SOX5: variants seen among roughly 807,000 people sequenced by gnomAD.
SOX5 encodes the protein transcription factor SOX-5.
SOX5 carries 9 observed loss-of-function variants against 92.0 expected under a neutral mutation model. The observed-to-expected ratio is 0.10, with a 90% CI of 0.06 to 0.17. The LOEUF (loss-of-function observed/expected upper bound fraction) is 0.17, where lower values mean the gene tolerates loss of function less well. SOX5 is among the 10% of genes least tolerant of loss of function. SOX5 has a pLI of 1.00. For synonymous variants in SOX5, 344 were observed against 336.3 expected (o/e 1.02, Z -0.25); for missense variants, 642 against 944.5 (o/e 0.68, Z 4.20).
upstream of SOX5, among the ~76,000 whole-genome samples, chr12:23,955,071 A>G (rs1220096282): frequency 6.6e-6 from 1 of 152,126 alleles, no homozygotes; most frequent in Non-Finnish European, 1.5e-5. Flanking sequence ...GAAGTCCCAA[A>G]ACTAGTAAGT....
chr12:23,960,512 T>TAC (rs1946781248), intron 4 of SOX5, among the ~76,000 whole-genome samples: 1 of 99,262 alleles, frequency 1.0e-5, no homozygotes, highest in African/African-American at 3.3e-5. Flanking sequence ...TATATTTATA[T>TAC]ACATATATAT....
intron 1 of SOX5, among the ~76,000 whole-genome samples, chr12:23,923,039 G>A (rs1404672051): frequency 1.3e-5 from 2 of 151,674 alleles, no homozygotes; most frequent in Non-Finnish European, 2.9e-5. Flanking sequence ...TCCGCCTCCT[G>A]GGTTCCCGCC....
chr12:24,095,340 G>T (rs73275475), intron 4 of SOX5, among the ~76,000 whole-genome samples: 84 of 152,084 alleles, frequency 5.5e-4, no homozygotes, highest in African/African-American at 2.0e-3. Flanking sequence ...AATATTATGT[G>T]TGGCAAATAG....
In SOX5 at chr12:23,741,002, G is replaced by C. The variant is rs2093775976; in HGVS notation, c.606C>G (p.Leu202=). The change falls in exon 5 of 15, where the codon CTC becomes CTG. Residue 202 remains leucine, a synonymous_variant. Coordinates refer to ENST00000451604, the MANE Select transcript of SOX5 (RefSeq NM_006940.6). ...TGGTCAGCTGGTTGATCATACCCATGAGTTGCCTTTCTTTCTCAGCTAAGC... is the reference window on the plus strand; with the variant it reads ...TGGTCAGCTGGTTGATCATACCCATCAGTTGCCTTTCTTTCTCAGCTAAGC... The part of the protein sequence containing the change: ...PESLAEKERQ[L]MGMINQLTSL... The C allele has an allele frequency of 6.2e-7, 1 of 1,608,002 alleles. No individual in the cohort carries two copies. The highest frequency in any genetic ancestry group is 8.5e-7 in the Non-Finnish European group (1 of 1,175,600).
chr12:23,690,809 T>C (rs1372079514), intron 6 of SOX5, among the ~76,000 whole-genome samples: 1 of 152,174 alleles, frequency 6.6e-6, no homozygotes. Flanking sequence ...TCAATGGCTT[T>C]CTCATTTTAG....
chr12:23,697,700 G>A (rs963566774), intron 6 of SOX5, among the ~76,000 whole-genome samples: 1 of 151,958 alleles, frequency 6.6e-6, no homozygotes, highest in Admixed American at 6.6e-5. Flanking sequence ...ACCAGCATTC[G>A]GCACCATGTT....
At chr12:24,076,939 A>G (rs1462307005) in intron 4 of SOX5, among the ~76,000 whole-genome samples, 1 of 152,130 alleles carries the variant, frequency 6.6e-6, no homozygotes, top group Non-Finnish European at 1.5e-5. Flanking sequence ...TCAGATTACA[A>G]TACTATTATC....
intron 1 of SOX5, among the ~76,000 whole-genome samples, chr12:23,908,104 C>G (rs2097312588): frequency 6.6e-6 from 1 of 152,066 alleles, no homozygotes; most frequent in Admixed American, 6.6e-5. Context: ...TGGTCTACGT[C>G]TTGAAATAAA....
At chr12:23,547,036 G>A (rs1943266466) in intron 11 of SOX5, among the ~76,000 whole-genome samples, 1 of 151,992 alleles carries the variant, frequency 6.6e-6, no homozygotes, top group Admixed American at 6.6e-5. Context: ...ATATTGAGTT[G>A]GCGAATTATT....
chr12:23,600,040 A>G (rs1178372016), intron 9 of SOX5, among the ~76,000 whole-genome samples: 1 of 152,188 alleles, frequency 6.6e-6, no homozygotes, highest in Non-Finnish European at 1.5e-5. Context: ...GTTAAACTAC[A>G]AGCAAATAAT....
intron 10 of SOX5, 38 bp from the exon 11 acceptor site, chr12:23,563,441 A>G (rs1218979767): frequency 1.3e-6 from 2 of 1,597,640 alleles, no homozygotes; most frequent in African/African-American, 2.7e-5. Flanking sequence ...CTTTTGTATA[A>G]AAGCATGTCT....
rs964961485 is a variant in SOX5, at chr12:24,393,281, A to G, written c.-250-24642T>C. Among the ~76,000 whole-genome samples, 1 of 152,202 alleles carries G rather than the reference A, an allele frequency of 6.6e-6. No homozygotes were observed. Among genetic ancestry groups the G allele is most frequent in the African/African-American group, 2.4e-5 (1 of 41,462 alleles). On this transcript the variant is annotated intron_variant, in intron 1 of 4. Transcript: ENST00000446891. The surrounding 1 kb of genome is among the most constrained non-coding windows in gnomAD (Gnocchi z 5.0). Reference sequence around the variant, plus strand: ...GTCTACTAAACAAATTAGCAAGCTCATCAATAACTGCACGGCATTTACCTT... The same window carrying G: ...GTCTACTAAACAAATTAGCAAGCTCGTCAATAACTGCACGGCATTTACCTT...
At chr12:23,704,410 T>C (rs1331027579) in intron 6 of SOX5, among the ~76,000 whole-genome samples, 3 of 151,750 alleles carry the variant, frequency 2.0e-5, no homozygotes, top group African/African-American at 7.2e-5. Context: ...TATGTATAAA[T>C]GTTTTTCTAA....
At chr12:24,257,928 A>G (rs1941477716) in intron 3 of SOX5, among the ~76,000 whole-genome samples, 2 of 152,002 alleles carry the variant, frequency 1.3e-5, no homozygotes, top group Non-Finnish European at 2.9e-5. Context: ...TAATCCCAGC[A>G]CTTTGGGAGG....
intron 9 of SOX5, among the ~76,000 whole-genome samples, chr12:23,585,781 G>C (rs2136998645): frequency 6.6e-6 from 1 of 152,290 alleles, no homozygotes. Flanking sequence ...CTAGAAGTTT[G>C]CATAGGTAAA....
chr12:23,640,058 G>T (rs942446115), intron 8 of SOX5, among the ~76,000 whole-genome samples: 1 of 152,054 alleles, frequency 6.6e-6, no homozygotes, highest in Non-Finnish European at 1.5e-5. Flanking sequence ...TTCTATTCCC[G>T]TTAATTGCAT....
chr12:24,028,284 C>T (rs546340697), intron 4 of SOX5, among the ~76,000 whole-genome samples: 24 of 152,112 alleles, frequency 1.6e-4, no homozygotes, highest in Admixed American at 9.2e-4. Flanking sequence ...TGGTGCAAAA[C>T]TCCCAGCACA....
intron 6 of SOX5, among the ~76,000 whole-genome samples, chr12:23,680,297 G>A (rs1481046004): frequency 7.5e-6 from 1 of 134,146 alleles, no homozygotes; most frequent in African/African-American, 2.8e-5. Context: ...CTGCACTTCA[G>A]CCTGGGTGAC....
chr12:24,557,629 T>C (rs930042902), intron 1 of SOX5, among the ~76,000 whole-genome samples: 7 of 152,132 alleles, frequency 4.6e-5, no homozygotes, highest in Non-Finnish European at 7.4e-5. Context: ...ACAAACTGCG[T>C]ATCAAACTAA....
Sources: gnomAD v4.1 joint callset for allele counts (sites outside exome capture counted in the v4.1 genomes callset) on GRCh38, gnomAD v4.1.1 for gene constraint, Gnocchi (gnomAD v3.1) non-coding constraint, MANE v1.5 for transcripts, NCBI Gene and HGNC (gene_info 2026-07-23, HGNC 2026-07-21) for gene names.